OSBPL10: variants seen among roughly 807,000 people sequenced by gnomAD.
OSBPL10 encodes the protein oxysterol binding protein like 10, also known as oxysterol-binding protein-related protein 10.
OSBPL10 carries 49 observed loss-of-function variants against 81.7 expected under a neutral mutation model. That is an observed-to-expected ratio of 0.60 (90% CI 0.48 to 0.76). The LOEUF (loss-of-function observed/expected upper bound fraction) is 0.76, where lower values mean the gene tolerates loss of function less well. OSBPL10 is among the 30% of genes least tolerant of loss of function. The pLI, the probability that OSBPL10 is intolerant of heterozygous loss-of-function variation, is 0.00. For missense variants in OSBPL10, 923 were observed against 987.8 expected (o/e 0.93, Z 0.88); for synonymous variants, 419 against 383.6 (o/e 1.09, Z -1.08).
intron 1 of OSBPL10, among the ~76,000 whole-genome samples, chr3:32,049,190 A>G (rs544596736): frequency 1.3e-5 from 2 of 152,284 alleles, no homozygotes; most frequent in South Asian, 4.1e-4. Context: ...TGGAGCAGCC[A>G]TTACTTTATT....
At chr3:31,711,739 T>A (rs1696259742) in intron 6 of OSBPL10, among the ~76,000 whole-genome samples, 1 of 152,098 alleles carries the variant, frequency 6.6e-6, no homozygotes, top group African/African-American at 2.4e-5. Flanking sequence ...AGGGCTTGTT[T>A]TTGAGGTGAT....
At chr3:31,911,052 A>G (rs181468367) in intron 1 of OSBPL10, among the ~76,000 whole-genome samples, 1 of 152,250 alleles carries the variant, frequency 6.6e-6, no homozygotes, top group East Asian at 1.9e-4. Context: ...TTCCATATTA[A>G]ATGCGACACC....
chr3:31,947,847 C>G (rs1400540593), intron 1 of OSBPL10, among the ~76,000 whole-genome samples: 1 of 151,184 alleles, frequency 6.6e-6, no homozygotes, highest in East Asian at 1.9e-4. Context: ...TCCGGAGAAA[C>G]TGGAAGAAGG....
intron 6 of OSBPL10, chr3:31,703,918 T>C (rs2125596458): frequency 6.6e-6 from 1 of 152,320 alleles, no homozygotes; most frequent in Admixed American, 6.5e-5. Context: ...TGCTAGATTA[T>C]GCTGAAATAA....
intron 5 of OSBPL10, among the ~76,000 whole-genome samples, chr3:31,743,645 T>A (rs1212193502): frequency 6.7e-6 from 1 of 148,472 alleles, no homozygotes; most frequent in Non-Finnish European, 1.5e-5. Flanking sequence ...CATTTTTTAT[T>A]CAGAAAAGGG....
intron 1 of OSBPL10, among the ~76,000 whole-genome samples, chr3:31,940,748 CTTT>C (rs1188763101): frequency 2.0e-5 from 3 of 152,080 alleles, no homozygotes; most frequent in Non-Finnish European, 4.4e-5. Flanking sequence ...CTCCTACTGT[CTTT>C]TGAGACTCAG....
intron 4 of OSBPL10, among the ~76,000 whole-genome samples, chr3:31,770,689 G>A (rs573619243): frequency 6.6e-6 from 1 of 152,266 alleles, no homozygotes; most frequent in Admixed American, 6.5e-5. Context: ...GGGAGGCTGA[G>A]GCAGGAGAAT....
At chr3:31,888,662 C>T (rs905307267) in intron 1 of OSBPL10, among the ~76,000 whole-genome samples, 4 of 152,176 alleles carry the variant, frequency 2.6e-5, no homozygotes, top group Non-Finnish European at 5.9e-5. Flanking sequence ...GGCTCACGCC[C>T]GTAATCCCAG....
At position 31,876,524 on chromosome 3, in the gene OSBPL10, A is replaced by G. The variant is rs1701476146; in HGVS notation, c.458-12T>C. ...TTTTGCATCAGCAGCTAAAATAGAGAAAACAGAGAAAGAAATGATTGCAGA... is the reference window on the plus strand; with the variant it reads ...TTTTGCATCAGCAGCTAAAATAGAGGAAACAGAGAAAGAAATGATTGCAGA... On this transcript the variant is annotated splice_polypyrimidine_tract_variant and intron_variant, in intron 2 of 11. Transcript: ENST00000396556. 1 of 1,600,618 alleles carries G rather than the reference A, an allele frequency of 6.2e-7. No homozygotes were observed. The highest frequency in any genetic ancestry group is 8.6e-7 in the Non-Finnish European group (1 of 1,167,752).
intron 1 of OSBPL10, among the ~76,000 whole-genome samples, chr3:31,884,456 T>C (rs1204417247): frequency 6.6e-6 from 1 of 152,242 alleles, no homozygotes; most frequent in African/African-American, 2.4e-5. Flanking sequence ...TCAACAAGTG[T>C]TCTTTCAGCA....
intron 3 of OSBPL10, among the ~76,000 whole-genome samples, chr3:31,852,318 G>C (rs993602132): frequency 3.3e-5 from 5 of 152,168 alleles, no homozygotes; most frequent in African/African-American, 1.2e-4. Flanking sequence ...CGGGGGGAAG[G>C]AGGTACACTA....
chr3:31,869,687 T>C (rs1419296504), intron 3 of OSBPL10, among the ~76,000 whole-genome samples: 1 of 152,170 alleles, frequency 6.6e-6, no homozygotes, highest in Non-Finnish European at 1.5e-5. Context: ...AGAGGGAGCA[T>C]GCTAAGCAAT....
intron 1 of OSBPL10, among the ~76,000 whole-genome samples, chr3:31,932,939 T>G (rs759092180): frequency 1.1e-4 from 17 of 152,300 alleles, no homozygotes; most frequent in Admixed American, 2.6e-4. Context: ...CTCATTGAAC[T>G]GTACACTTGA....
chr3:32,049,238 A>G (rs1699650458), intron 1 of OSBPL10, among the ~76,000 whole-genome samples: 1 of 151,818 alleles, frequency 6.6e-6, no homozygotes, highest in Non-Finnish European at 1.5e-5. Context: ...TACTGTATAG[A>G]CTCACCCCAA....
At chr3:32,069,017 C>G (rs923058742) in intron 1 of OSBPL10, among the ~76,000 whole-genome samples, 8 of 152,080 alleles carry the variant, frequency 5.3e-5, no homozygotes, top group Non-Finnish European at 8.8e-5. Context: ...CAGTTTCATT[C>G]TGCAACTAGC....
intron 4 of OSBPL10, 129 bp downstream of exon 4, chr3:31,829,911 G>C: frequency 1.1e-6 from 1 of 900,698 alleles, no homozygotes; most frequent in South Asian, 2.1e-5. Context: ...CAGCCGTGTG[G>C]CTGGGAGGTT....
chr3:32,010,345 A>G (rs928766347), intron 2 of OSBPL10, among the ~76,000 whole-genome samples: 2 of 152,192 alleles, frequency 1.3e-5, no homozygotes, highest in Admixed American at 6.5e-5. Flanking sequence ...CTCAGTCTAC[A>G]GTATTTTTTC....
In OSBPL10 at chr3:31,738,391, A is replaced by G. The variant is rs1280239670; in HGVS notation, c.941-4980T>C. Among the ~76,000 whole-genome samples the G allele has an allele frequency of 1.0e-4, 10 of 99,606 alleles. No homozygotes were observed. In the East Asian group the frequency reaches 2.2e-3, roughly 22 times the overall value. 65.3% of individuals were successfully genotyped at this position (99,606 alleles called of 152,430 possible). ...AGAAAAATTAGACCTGCCTTAAAGG[A>G]AAAAAAAAAAAATCAGTTTGAATTT... On this transcript the variant is annotated intron_variant, in intron 5 of 11. Transcript: ENST00000396556.
At chr3:31,671,940 C>A (rs563576469) in intron 8 of OSBPL10, among the ~76,000 whole-genome samples, 2 of 152,270 alleles carry the variant, frequency 1.3e-5, no homozygotes, top group African/African-American at 4.8e-5. Flanking sequence ...CTCAGTCTCC[C>A]ATCCAATACT....
Sources: gnomAD v4.1 joint callset for allele counts (sites outside exome capture counted in the v4.1 genomes callset) on GRCh38, gnomAD v4.1.1 for gene constraint, MANE v1.5 for transcripts, NCBI Gene and HGNC (gene_info 2026-07-23, HGNC 2026-07-21) for gene names.